Variants in ADAMTSL1 observed in about 807,000 individuals in gnomAD.
ADAMTSL1 encodes ADAMTS like 1, also known as ADAMTS-like protein 1.
In ADAMTSL1, 126 loss-of-function variants were observed where a neutral mutation model predicts 201.8. The observed-to-expected ratio is 0.62, with a 90% CI of 0.54 to 0.72. The LOEUF (loss-of-function observed/expected upper bound fraction) is 0.72, where lower values mean the gene tolerates loss of function less well. ADAMTSL1 is among the 30% of genes least tolerant of loss of function. ADAMTSL1 has a pLI of 0.00. For synonymous variants in ADAMTSL1, 1,121 were observed against 903.4 expected (o/e 1.24, Z -4.32); for missense variants, 2,679 against 2,277.8 (o/e 1.18, Z -3.59).
At position 18,910,754 on chromosome 9, in the gene ADAMTSL1, A is replaced by AC. The variant is rs1830556114; in HGVS notation, c.*2208dup. ...CAGTGGGTCTCAGTGAGCTGGCAGA[A>AC]CCTAGGTTTGGGTGGGAAGCAGAAT... On this transcript the variant is annotated 3_prime_UTR_variant, in exon 29 of 29. Transcript: ENST00000380548. 6.6e-6 allele frequency: 1 copy of AC among 152,250 alleles called. No individual in the cohort carries two copies. The highest frequency in any genetic ancestry group is 1.5e-5 in the Non-Finnish European group (1 of 68,048). The allele number at this position is 152,250 out of a possible 1,614,324, so 9.4% of individuals were successfully genotyped here. A position where few individuals can be genotyped will look rare whatever the true frequency, so the allele number is the denominator to read the frequency against.
chr9:18,565,742 G>A (rs2132308916), intron 3 of ADAMTSL1, among the ~76,000 whole-genome samples: 1 of 152,244 alleles, frequency 6.6e-6, no homozygotes, highest in South Asian at 2.1e-4. Flanking sequence ...TAACAGAGTT[G>A]TCTCCACGCA....
intron 23 of ADAMTSL1, among the ~76,000 whole-genome samples, chr9:18,848,143 T>C (rs970103738): frequency 6.6e-6 from 1 of 152,214 alleles, no homozygotes; most frequent in African/African-American, 2.4e-5. Flanking sequence ...TCTGCAGGCA[T>C]GTGCCTGGCC....
Position 18,227,886 on chromosome 9 carries a change from G to A in ADAMTSL1, c.207+63905G>A, listed in dbSNP as rs1830490247. Among the ~76,000 whole-genome samples the A allele has an allele frequency of 2.0e-5, 3 of 152,238 alleles. No individual in the cohort carries two copies. In the South Asian group the frequency reaches 6.2e-4, roughly 32 times the overall value. On this transcript the variant is annotated intron_variant, in intron 2 of 29. Transcript: ENST00000680146. ...TGTCTTTCTTCATTTTTAAATCACAGAGCCTAGAAGGTGCTCAGAGCATGT... is the reference window on the plus strand; with the variant it reads ...TGTCTTTCTTCATTTTTAAATCACAAAGCCTAGAAGGTGCTCAGAGCATGT...
intron 7 of ADAMTSL1, among the ~76,000 whole-genome samples, chr9:18,653,159 T>C (rs2132937900): frequency 6.6e-6 from 1 of 152,312 alleles, no homozygotes; most frequent in East Asian, 1.9e-4. Flanking sequence ...CACAGCTAGG[T>C]TTAGGATGCA....
At chr9:17,998,234 A>G (rs912804065) in intron 1 of ADAMTSL1, among the ~76,000 whole-genome samples, 3 of 152,100 alleles carry the variant, frequency 2.0e-5, no homozygotes, top group South Asian at 2.1e-4. Flanking sequence ...TTCAAGCACC[A>G]TGTCCTTTAT....
intron 1 of ADAMTSL1, among the ~76,000 whole-genome samples, chr9:18,050,823 A>G (rs1017898236): frequency 6.6e-6 from 1 of 152,188 alleles, no homozygotes; most frequent in East Asian, 1.9e-4. Context: ...TTAGGGTGCC[A>G]TGTTTCCATG....
chr9:18,245,792 A>C (rs930107946), intron 2 of ADAMTSL1, among the ~76,000 whole-genome samples: 3 of 152,092 alleles, frequency 2.0e-5, no homozygotes, highest in Non-Finnish European at 4.4e-5. Flanking sequence ...CTTGAGTAGC[A>C]ACACAATTTA....
intron 23 of ADAMTSL1, among the ~76,000 whole-genome samples, chr9:18,886,219 CATACATAT>C (rs1828881459): frequency 1.6e-5 from 2 of 121,284 alleles, no homozygotes; most frequent in Non-Finnish European, 3.6e-5. Context: ...TATACACACA[CATACATAT>C]ACATACATAC....
At chr9:18,853,855 T>C (rs751674375) in intron 23 of ADAMTSL1, among the ~76,000 whole-genome samples, 2 of 151,638 alleles carry the variant, frequency 1.3e-5, no homozygotes, top group Non-Finnish European at 2.9e-5. Context: ...CTAAGTCCAG[T>C]ACTTGGCCTG....
intron 20 of ADAMTSL1, among the ~76,000 whole-genome samples, chr9:18,801,055 T>A (rs1822765944): frequency 6.6e-6 from 1 of 152,172 alleles, no homozygotes. Context: ...AGCCTGGGAA[T>A]GTCTGGGAAA....
At chr9:18,899,763 T>A (rs543906999) in intron 26 of ADAMTSL1, among the ~76,000 whole-genome samples, 117 of 152,272 alleles carry the variant, frequency 7.7e-4, no homozygotes, top group African/African-American at 2.6e-3. Context: ...CTGGACTCCT[T>A]CCACACACCT....
intron 1 of ADAMTSL1, among the ~76,000 whole-genome samples, chr9:17,923,548 T>C (rs1230336143): frequency 6.6e-6 from 1 of 151,690 alleles, no homozygotes; most frequent in Non-Finnish European, 1.5e-5. Flanking sequence ...GTTTTCTAGA[T>C]ATACAATCAT....
At position 18,892,597 on chromosome 9, in the gene ADAMTSL1, G is replaced by A. The variant is rs1198490117; in HGVS notation, c.4851+1G>A. The A allele has an allele frequency of 6.4e-7, 1 of 1,556,458 alleles. No homozygotes were observed. Among genetic ancestry groups the A allele is most frequent in the Non-Finnish European group, 8.7e-7 (1 of 1,149,806 alleles). ...GTGGGCCTTCTCCAGCTGGGGCCAG[G>A]TGAGGAGCCAGAGAGGTTGTTATTT... is the stretch of plus-strand genomic sequence containing the variant. On this transcript the variant is annotated splice_donor_variant, in intron 26 of 28. Transcript: ENST00000380548. LOFTEE classifies it high-confidence loss of function.
chr9:18,742,445 T>C (rs1397405023), intron 15 of ADAMTSL1, among the ~76,000 whole-genome samples: 1 of 152,102 alleles, frequency 6.6e-6, no homozygotes. Flanking sequence ...GCAAAGAGAA[T>C]TGTGTCAGAT....
In ADAMTSL1 at chr9:18,378,545, C is replaced by T. The variant is rs150163712; in HGVS notation, c.208-126284C>T. 4.2e-3 allele frequency among the ~76,000 whole-genome samples: 640 copies of T among 152,286 alleles called. 5 individuals are homozygous for T. The highest frequency in any genetic ancestry group is 5.3e-3 in the Non-Finnish European group (359 of 68,026). On this transcript the variant is annotated intron_variant, in intron 2 of 29. Coordinates refer to the ADAMTSL1 transcript ENST00000680146. ...AAAAATGTCTTTGCTGATGTCTCTT[C>T]CATGATGCTGAAGTAGATCCAAATA...
At chr9:18,269,042 TAC>T (rs779476940) in intron 2 of ADAMTSL1, among the ~76,000 whole-genome samples, 21 of 152,142 alleles carry the variant, frequency 1.4e-4, no homozygotes, top group African/African-American at 3.9e-4. Flanking sequence ...GTATATAACT[TAC>T]ACAGTCTATA....
intron 2 of ADAMTSL1, among the ~76,000 whole-genome samples, chr9:18,429,732 A>AT (rs1485405130): frequency 6.6e-6 from 1 of 152,098 alleles, no homozygotes; most frequent in Non-Finnish European, 1.5e-5. Flanking sequence ...TTTCATTAAA[A>AT]TTTTTTATTC....
chr9:18,087,919 A>G (rs1310046585), intron 1 of ADAMTSL1, among the ~76,000 whole-genome samples: 2 of 152,146 alleles, frequency 1.3e-5, no homozygotes, highest in Admixed American at 6.5e-5. Flanking sequence ...AATAAGCAAC[A>G]ATTTGTCCAC....
At chr9:18,442,496 C>A (rs1452525919) in intron 2 of ADAMTSL1, among the ~76,000 whole-genome samples, 1 of 152,054 alleles carries the variant, frequency 6.6e-6, no homozygotes, top group African/African-American at 2.4e-5. Context: ...AATGACTCTG[C>A]AAACAAGCAG....
Sources: gnomAD v4.1 joint callset for allele counts (sites outside exome capture counted in the v4.1 genomes callset) on GRCh38, gnomAD v4.1.1 for gene constraint, MANE v1.5 for transcripts, NCBI Gene and HGNC (gene_info 2026-07-23, HGNC 2026-07-21) for gene names.